Variants in HNRNPA2B1 observed in about 807,000 individuals in gnomAD.
HNRNPA2B1 encodes the protein heterogeneous nuclear ribonucleoprotein A2/B1.
HNRNPA2B1 carries 3 observed loss-of-function variants against 46.3 expected under a neutral mutation model. The observed-to-expected ratio is 0.06, with a 90% CI of 0.03 to 0.17. The LOEUF (loss-of-function observed/expected upper bound fraction) is 0.17. Ranked by LOEUF, HNRNPA2B1 falls within the 10% of genes least tolerant of loss-of-function variation. HNRNPA2B1 has a pLI of 1.00. For missense variants in HNRNPA2B1, 221 were observed against 418.9 expected, an observed-to-expected ratio of 0.53 and a Z score of 4.12; for synonymous variants, 225 against 133.8, an observed-to-expected ratio of 1.68 and a Z score of -4.70.
intron 1 of HNRNPA2B1, chr7:26,198,284 A>C (rs940144445): frequency 7.9e-5 from 12 of 151,300 alleles, no homozygotes; most frequent in African/African-American, 2.9e-4. Context: ...AGCCAAAAAA[A>C]CACAACTTTT....
intron 1 of HNRNPA2B1, chr7:26,200,312 G>T: frequency 1.8e-6 from 1 of 542,858 alleles, no homozygotes; most frequent in Non-Finnish European, 3.3e-6. Context: ...TCACCCCAGC[G>T]GGGCAGCGTC....
intron 7 of HNRNPA2B1, among the ~76,000 whole-genome samples, 200 bp from the exon 8 acceptor site, chr7:26,193,894 T>A (rs981065957): frequency 6.6e-6 from 1 of 152,168 alleles, no homozygotes; most frequent in Non-Finnish European, 1.5e-5. Context: ...GATAACACCA[T>A]GTGCACACAG....
At chr7:26,193,414 A>T (rs1191749017) in intron 8 of HNRNPA2B1, 41 bp from the exon 9 acceptor site, 2 of 1,587,334 alleles carry the variant, frequency 1.3e-6, no homozygotes, top group East Asian at 4.5e-5. Flanking sequence ...ACAAACATTA[A>T]ACCAAGGACT....
At chr7:26,195,735 T>C (rs1783508331) in intron 7 of HNRNPA2B1, 112 bp downstream of exon 7, 2 of 1,224,634 alleles carry the variant, frequency 1.6e-6, no homozygotes, top group African/African-American at 1.6e-5. Context: ...ACCCAAGCCA[T>C]TTATAGACAC....
chr7:26,200,621 G>A lies in HNRNPA2B1; in HGVS notation c.-44C>T, dbSNP rs746686796. On this transcript the variant is annotated 5_prime_UTR_variant, in exon 1 of 11. Transcript: ENST00000618183. ...AGCCCGATTTCCCGCAGCCGAGCGA[G>A]ATGAGAGAGATCTCCGCGGACGAAC... is the stretch of plus-strand genomic sequence containing the variant. 11 of 1,613,052 alleles carry A rather than the reference G, an allele frequency of 6.8e-6. No individual in the cohort carries two copies. Among genetic ancestry groups the A allele is most frequent in the South Asian group, 1.1e-5 (1 of 91,092 alleles).
At chr7:26,200,434 T>TA (rs1784297859) in intron 1 of HNRNPA2B1, 138 bp downstream of exon 1, 2 of 867,114 alleles carry the variant, frequency 2.3e-6, no homozygotes, top group Admixed American at 3.5e-5. Flanking sequence ...ACCCCGTTCA[T>TA]AAACCTTAAG....
At chr7:26,194,802 A>G (rs534423801) in intron 7 of HNRNPA2B1, among the ~76,000 whole-genome samples, 1 of 151,706 alleles carries the variant, frequency 6.6e-6, no homozygotes, top group African/African-American at 2.4e-5. Context: ...CAAAAATAAA[A>G]AAAAAAAAAA....
chr7:26,198,010 TTA>T (rs950793218), intron 1 of HNRNPA2B1: 10 of 451,682 alleles, frequency 2.2e-5, no homozygotes, highest in African/African-American at 1.4e-4. Flanking sequence ...CAACATTAAA[TTA>T]TCTTAAATTA....
rs371954975 is a variant in HNRNPA2B1 at position 26,196,772 on chromosome 7, G to A, written c.475+35C>T. 6 of 1,590,984 alleles carry A rather than the reference G, an allele frequency of 3.8e-6. No individual in the cohort carries two copies. In the South Asian group the frequency reaches 4.4e-5, roughly 12 times the overall value. ...TAACATACACAAAATTGAATACACT[G>A]GAAAAAAACAGTACATTTGTGGTTA... On this transcript the variant is annotated intron_variant, in intron 4 of 10. Coordinates refer to ENST00000618183, the MANE Select transcript of HNRNPA2B1 (RefSeq NM_002137.4).
chr7:26,193,397 GAAC>G (rs748892702), intron 8 of HNRNPA2B1, 24 bp from the exon 9 acceptor site: 89 of 1,604,826 alleles, frequency 5.5e-5, no homozygotes, highest in Non-Finnish European at 6.8e-5. Context: ...GGAATACTCA[GAAC>G]AATACAAACA....
rs1331084801 is a variant in HNRNPA2B1, at chr7:26,193,622, C to T, written c.794G>A (p.Gly265Asp). 1 of 1,611,424 alleles carries T rather than the reference C, an allele frequency of 6.2e-7. No homozygotes were observed. Among genetic ancestry groups the T allele is most frequent in the African/African-American group, 1.3e-5 (1 of 74,674 alleles). The change falls in exon 8 of 11, where the codon GGC becomes GAC. Residue 265 changes from glycine (G) to aspartate (D), a missense_variant. Gly to Asp is a moderately conservative substitution (Grantham distance 94). Around this residue, in one of 2 missense-constraint regions of HNRNPA2B1, gnomAD observed 143 missense variants for 200.5 expected, o/e 0.71. Transcript: ENST00000618183. ...ACCTCCGTAGCCCCCACCCTGGTTG[C>T]CATATCCAGGTCCTCCACCACCATA... ...GGYGGGGPGY[G>D]NQGGGYGGGY...
chr7:26,194,136 C>A (rs1368701484), intron 7 of HNRNPA2B1, among the ~76,000 whole-genome samples: 1 of 152,176 alleles, frequency 6.6e-6, no homozygotes, highest in East Asian at 1.9e-4. Context: ...TGGCTCATGC[C>A]TGTAATCCCA....
At position 26,190,789 on chromosome 7, in the gene HNRNPA2B1, A is replaced by G. The variant is rs1782825111; in HGVS notation, c.*1571T>C. Reference sequence around the variant, plus strand: ...TCACTCAAGTATGAACTACTATCTGAAAATAGATTCAACCATTTTTGCCCT... The same window carrying G: ...TCACTCAAGTATGAACTACTATCTGGAAATAGATTCAACCATTTTTGCCCT... On this transcript the variant is annotated 3_prime_UTR_variant, in exon 11 of 11. Coordinates refer to ENST00000618183, the MANE Select transcript of HNRNPA2B1 (RefSeq NM_002137.4). 6.6e-6 allele frequency: 1 copy of G among 152,242 alleles called. No individual in the cohort carries two copies. The highest frequency in any genetic ancestry group is 2.4e-5 in the African/African-American group (1 of 41,450). 9.4% of individuals were successfully genotyped at this position (152,242 alleles called of 1,614,324 possible).
intron 7 of HNRNPA2B1, among the ~76,000 whole-genome samples, chr7:26,194,918 A>ACC (rs1266247247): frequency 2.0e-5 from 3 of 151,600 alleles, no homozygotes; most frequent in Non-Finnish European, 4.4e-5. Context: ...ACATGGGGAA[A>ACC]CCCCGTCTCT....
chr7:26,197,232 A>T (rs1783748306), intron 3 of HNRNPA2B1, 83 bp downstream of exon 3: 5 of 1,463,780 alleles, frequency 3.4e-6, no homozygotes, highest in Non-Finnish European at 4.6e-6. Flanking sequence ...TCTTGAGTTA[A>T]AACTAAATTC....
At chr7:26,200,442 A>T in intron 1 of HNRNPA2B1, 130 bp downstream of exon 1, 2 of 901,010 alleles carry the variant, frequency 2.2e-6, no homozygotes, top group South Asian at 1.3e-5. Flanking sequence ...CATAAACCTT[A>T]AGCCCCACTG....
At chr7:26,195,994 C>A in intron 6 of HNRNPA2B1, 85 bp from the exon 7 acceptor site, 1 of 1,497,366 alleles carries the variant, frequency 6.7e-7, no homozygotes, top group Non-Finnish European at 8.9e-7. Context: ...CTTACTACCT[C>A]AGCACAATAA....
At chr7:26,200,234 G>A (rs1012188271) in intron 1 of HNRNPA2B1, 7 of 327,468 alleles carry the variant, frequency 2.1e-5, no homozygotes, top group Non-Finnish European at 3.5e-5. Flanking sequence ...TCGCCGAGGA[G>A]ACGCCGTGGC....
intron 1 of HNRNPA2B1, 114 bp downstream of exon 1, chr7:26,200,458 G>C: frequency 9.5e-7 from 1 of 1,048,648 alleles, no homozygotes; most frequent in Non-Finnish European, 1.5e-6. Context: ...CACTGCTACT[G>C]AATTGGTCCG....
Sources: gnomAD v4.1 joint callset for allele counts (sites outside exome capture counted in the v4.1 genomes callset) on GRCh38, gnomAD v4.1.1 for gene constraint, gnomAD v4.1.1 regional missense constraint, MANE v1.5 for transcripts, NCBI Gene and HGNC (gene_info 2026-07-23, HGNC 2026-07-21) for gene names.